Variants in DGKB observed in about 807,000 individuals in gnomAD.
The protein encoded by DGKB is 90 kDa diacylglycerol kinase.
Under a neutral mutation model 114.3 loss-of-function variants are expected in DGKB, and 67 were observed. The observed-to-expected ratio is 0.59, with a 90% confidence interval of 0.48 to 0.72. DGKB has a LOEUF of 0.72. Among genes scored for constraint, DGKB ranks in the 30% least tolerant of loss-of-function variants. The probability of loss-of-function intolerance (pLI) is 0.00; values close to 1 mark genes in which losing one functional copy is unlikely to be tolerated. For missense variants in DGKB, 907 were observed against 975.2 expected, an observed-to-expected ratio of 0.93 and a Z score of 0.93; for synonymous variants, 398 against 323.1, an observed-to-expected ratio of 1.23 and a Z score of -2.49.
At chr7:14,797,746 T>C (rs1005328139) in intron 2 of DGKB, among the ~76,000 whole-genome samples, 1 of 152,032 alleles carries the variant, frequency 6.6e-6, no homozygotes, top group Admixed American at 6.6e-5. Context: ...GGGAGTAGCA[T>C]CCAGTGGCTT....
At chr7:14,649,292 A>T (rs112859610) in intron 13 of DGKB, among the ~76,000 whole-genome samples, 79,239 of 150,620 alleles carry the variant, frequency 0.53, 22,849 homozygotes, top group Admixed American at 0.67. Flanking sequence ...CTAACAGCGG[A>T]TCTCTCGGCA....
At position 14,705,505 on chromosome 7, in the gene DGKB, C is replaced by T. The variant is rs532613961; in HGVS notation, c.467-3775G>A. On this transcript the variant is annotated intron_variant, in intron 6 of 25. Coordinates refer to ENST00000402815, the MANE Select transcript of DGKB (RefSeq NM_001350709.2). Reference sequence around the variant, plus strand: ...ACTCGAGAAGAGCAACTCCAAGACACATAATTGTCAGATTCACCAAAGTTG... The same window carrying T: ...ACTCGAGAAGAGCAACTCCAAGACATATAATTGTCAGATTCACCAAAGTTG... Among the ~76,000 whole-genome samples the T allele has an allele frequency of 9.8e-3, 1,479 of 151,316 alleles. 15 individuals are homozygous for T. Among genetic ancestry groups the T allele is most frequent in the African/African-American group, 0.034 (1,415 of 41,220 alleles).
chr7:14,422,329 T>G (rs145319858), intron 21 of DGKB, among the ~76,000 whole-genome samples: 22 of 152,216 alleles, frequency 1.4e-4, no homozygotes, highest in African/African-American at 5.3e-4. Context: ...AACTTTTTTG[T>G]TGTTATTGTT....
chr7:14,609,694 C>A (rs866817288), intron 16 of DGKB, among the ~76,000 whole-genome samples: 31 of 151,852 alleles, frequency 2.0e-4, no homozygotes, highest in Non-Finnish European at 2.7e-4. Context: ...AACAAATAAC[C>A]CCATTAAACA....
At chr7:14,847,660 C>G (rs969772260) in intron 1 of DGKB, among the ~76,000 whole-genome samples, 3 of 152,026 alleles carry the variant, frequency 2.0e-5, no homozygotes, top group South Asian at 2.1e-4. Flanking sequence ...ACCAACTACA[C>G]CCATAAATAA....
At chr7:14,358,144 G>T (rs1287684855) in intron 21 of DGKB, among the ~76,000 whole-genome samples, 1 of 152,132 alleles carries the variant, frequency 6.6e-6, no homozygotes, top group Admixed American at 6.5e-5. Flanking sequence ...GGCCTGCCTT[G>T]CTAGTTTGGG....
At chr7:14,392,995 G>GTTTTTGTTTTTGTTTTTTTTTT in intron 21 of DGKB, among the ~76,000 whole-genome samples, 855 of 60,536 alleles carry the variant, frequency 0.014, 85 homozygotes, top group Middle Eastern at 0.047. Context: ...TTTTGTTTTT[G>GTTTTTGTTTTTGTTTTTTTTTT]TTTTTTTTTT....
At chr7:14,384,288 T>C (rs1421003577) in intron 21 of DGKB, among the ~76,000 whole-genome samples, 1 of 152,242 alleles carries the variant, frequency 6.6e-6, no homozygotes, top group Non-Finnish European at 1.5e-5. Context: ...TATTACATTC[T>C]ATTTAGGGCA....
At chr7:14,601,867 G>T (rs913102967) in intron 17 of DGKB, among the ~76,000 whole-genome samples, 1 of 151,990 alleles carries the variant, frequency 6.6e-6, no homozygotes, top group African/African-American at 2.4e-5. Flanking sequence ...GCAACATTTT[G>T]TTCGCAACCA....
rs143551254 is a variant in DGKB at position 14,230,883 on chromosome 7, G to A, written c.2123-52732C>T. On this transcript the variant is annotated intron_variant, in intron 23 of 25. Transcript: ENST00000402815. ...GGGAAGTCTTTCTTCCTCTCCTACC[G>A]GATGAGATGTGTTCTTAACATGTAA... Among the ~76,000 whole-genome samples the A allele has an allele frequency of 5.7e-3, 868 of 151,950 alleles. 2 individuals are homozygous for A. Among genetic ancestry groups the A allele is most frequent in the African/African-American group, 0.014 (573 of 41,466 alleles).
At chr7:14,451,545 GTCTCTC>G (rs34641587) in intron 21 of DGKB, among the ~76,000 whole-genome samples, 3,360 of 141,152 alleles carry the variant, frequency 0.024, 56 homozygotes, top group Non-Finnish European at 0.027. Context: ...CTCTCTATCT[GTCTCTC>G]TCTCTCTCTC....
intron 1 of DGKB, among the ~76,000 whole-genome samples, chr7:14,916,350 TATAA>T (rs1483910827): frequency 6.6e-6 from 1 of 152,086 alleles, no homozygotes; most frequent in Non-Finnish European, 1.5e-5. Context: ...AATCCCATTA[TATAA>T]ATAGTCATTT....
At chr7:14,425,335 A>G (rs1180736535) in intron 21 of DGKB, among the ~76,000 whole-genome samples, 4 of 152,100 alleles carry the variant, frequency 2.6e-5, no homozygotes, top group Non-Finnish European at 5.9e-5. Context: ...CATAATAAAA[A>G]TTCTCACTTG....
rs191774107 is a variant in DGKB at position 14,575,222 on chromosome 7, C to T, written c.1610-850G>A. ...TGGCTCAGATGCCCCTCTCACAGTC[C>T]GCTATACGCAGTTCTCAAAACTAGC... On this transcript the variant is annotated intron_variant, in intron 19 of 25. Coordinates refer to ENST00000402815, the MANE Select transcript of DGKB (RefSeq NM_001350709.2). Among the ~76,000 whole-genome samples the T allele has an allele frequency of 3.2e-4, 48 of 152,290 alleles. 1 individual carries two copies. Among genetic ancestry groups the T allele is most frequent in the African/African-American group, 1.1e-3 (45 of 41,556 alleles).
Position 14,430,570 on chromosome 7 carries a change from C to T in DGKB, c.1835+47591G>A, listed in dbSNP as rs1327828364. On this transcript the variant is annotated intron_variant, in intron 21 of 25. Coordinates refer to ENST00000402815, the MANE Select transcript of DGKB (RefSeq NM_001350709.2). ...CTAATAAACTACAGAATCCCTCATG[C>T]CACATCTCTAACACATTGATTCCGT... 3.3e-5 allele frequency among the ~76,000 whole-genome samples: 5 copies of T among 152,230 alleles called. No individual in the cohort carries two copies. The East Asian group carries it at 5.8e-4, about 18-fold the overall frequency.
intron 21 of DGKB, among the ~76,000 whole-genome samples, chr7:14,376,306 C>T (rs1818474041): frequency 6.6e-6 from 1 of 152,164 alleles, no homozygotes; most frequent in South Asian, 2.1e-4. Flanking sequence ...ACCCTGGTAA[C>T]ATTTTATATT....
At chr7:14,814,457 A>C (rs1009179757) in intron 2 of DGKB, among the ~76,000 whole-genome samples, 4 of 152,212 alleles carry the variant, frequency 2.6e-5, no homozygotes, top group Non-Finnish European at 5.9e-5. Context: ...TATGTATTGT[A>C]GTCACTTTGA....
intron 21 of DGKB, among the ~76,000 whole-genome samples, chr7:14,396,046 A>G (rs749016287): frequency 2.6e-5 from 4 of 152,078 alleles, no homozygotes; most frequent in African/African-American, 4.8e-5. Context: ...GACTGTAATT[A>G]TATGACTATA....
chr7:14,489,631 G>C, intron 20 of DGKB, among the ~76,000 whole-genome samples: 1 of 152,114 alleles, frequency 6.6e-6, no homozygotes, highest in East Asian at 1.9e-4. Context: ...ACTTAATTTT[G>C]CAAAATAAAT....
Sources: gnomAD v4.1 joint callset for allele counts (sites outside exome capture counted in the v4.1 genomes callset) on GRCh38, gnomAD v4.1.1 for gene constraint, MANE v1.5 for transcripts, NCBI Gene and HGNC (gene_info 2026-07-23, HGNC 2026-07-21) for gene names.